The following RALYL variants were observed in gnomAD, a reference collection of about 807,000 sequenced individuals.
The protein encoded by RALYL is RALY RNA binding protein like.
RALYL carries 29 observed loss-of-function variants against 35.1 expected under a neutral mutation model. The observed-to-expected ratio is 0.83, with a 90% confidence interval of 0.61 to 1.13. RALYL has a LOEUF of 1.13. Ranked by LOEUF, RALYL falls within the 50% of genes most tolerant of loss-of-function variation. The pLI is 0.00. For missense variants in RALYL, 359 were observed against 360.4 expected (o/e 1.00, Z 0.03); for synonymous variants, 120 against 127.6 (o/e 0.94, Z 0.40).
chr8:84,906,252 C>T (rs1846470937), intron 8 of RALYL, among the ~76,000 whole-genome samples: 1 of 150,910 alleles, frequency 6.6e-6, no homozygotes, highest in African/African-American at 2.4e-5. Flanking sequence ...GATTCATTTC[C>T]CAGTGTTTCA....
chr8:84,693,755 G>A (rs1477662693), intron 2 of RALYL, among the ~76,000 whole-genome samples: 1 of 151,682 alleles, frequency 6.6e-6, no homozygotes, highest in East Asian at 1.9e-4. Flanking sequence ...CATTTTAAAA[G>A]AATCAGTGAT....
At chr8:84,551,169 A>T (rs976615309) in intron 2 of RALYL, among the ~76,000 whole-genome samples, 3 of 152,062 alleles carry the variant, frequency 2.0e-5, no homozygotes, top group Non-Finnish European at 4.4e-5. Context: ...TGAAATTTAA[A>T]TTTCTACTAG....
At chr8:84,236,677 G>C (rs898186074) in intron 1 of RALYL, among the ~76,000 whole-genome samples, 2 of 152,142 alleles carry the variant, frequency 1.3e-5, no homozygotes, top group Non-Finnish European at 2.9e-5. Context: ...TGTAAGGGCT[G>C]TGGCTTTCCC....
chr8:84,184,805 T>G, intron 1 of RALYL: 9 of 578,706 alleles, frequency 1.6e-5, no homozygotes, highest in Admixed American at 2.8e-5. Flanking sequence ...GCGAGGGCCG[T>G]GTACGTGGCG....
At chr8:84,551,602 A>T (rs2060724002) in intron 2 of RALYL, among the ~76,000 whole-genome samples, 2 of 151,730 alleles carry the variant, frequency 1.3e-5, no homozygotes, top group African/African-American at 2.4e-5. Context: ...AGCTTGATTT[A>T]AAAAAAATGA....
rs1822949805 is a variant in RALYL, at chr8:84,800,351, C to T, written c.333-4419C>T. On this transcript the variant is annotated intron_variant, in intron 3 of 8. Coordinates refer to ENST00000521268, the MANE Select transcript of RALYL (RefSeq NM_173848.7). ...AGTTTCCTCATCTATAAAATGAGAACTACCTCAGATTGTATCATGACGTTT... is the reference window on the plus strand; with the variant it reads ...AGTTTCCTCATCTATAAAATGAGAATTACCTCAGATTGTATCATGACGTTT... Among the ~76,000 whole-genome samples the T allele has an allele frequency of 2.0e-5, 3 of 152,206 alleles. No individual in the cohort carries two copies. In the South Asian group the frequency reaches 6.2e-4, roughly 32 times the overall value.
intron 1 of RALYL, among the ~76,000 whole-genome samples, chr8:84,365,872 T>C (rs1854145869): frequency 6.6e-6 from 1 of 152,190 alleles, no homozygotes; most frequent in Admixed American, 6.5e-5. Flanking sequence ...CTTAGCCAAA[T>C]TGTGCTCTTG....
intron 2 of RALYL, among the ~76,000 whole-genome samples, chr8:84,641,915 C>A (rs775690843): frequency 1.3e-5 from 2 of 151,658 alleles, no homozygotes; most frequent in Non-Finnish European, 2.9e-5. Flanking sequence ...ACTTATTTAT[C>A]CAGACACAAA....
intron 4 of RALYL, among the ~76,000 whole-genome samples, chr8:84,820,030 A>T (rs1828181525): frequency 6.6e-6 from 1 of 152,284 alleles, no homozygotes; most frequent in African/African-American, 2.4e-5. Context: ...TATAGAATTT[A>T]AAAAATCAAT....
intron 8 of RALYL, among the ~76,000 whole-genome samples, chr8:84,908,483 A>C (rs980835462): frequency 6.6e-6 from 1 of 152,140 alleles, no homozygotes; most frequent in African/African-American, 2.4e-5. Context: ...TATTTCATTT[A>C]ACGTAATGTC....
At chr8:84,185,470 A>G (rs1013609999) in intron 1 of RALYL, among the ~76,000 whole-genome samples, 1 of 152,130 alleles carries the variant, frequency 6.6e-6, no homozygotes. Context: ...ATAATTTAGC[A>G]TTACTTTTCA....
At chr8:84,316,409 C>G (rs1476299606) in intron 1 of RALYL, among the ~76,000 whole-genome samples, 1 of 151,970 alleles carries the variant, frequency 6.6e-6, no homozygotes, top group Non-Finnish European at 1.5e-5. Flanking sequence ...AATTATATTT[C>G]CATAAGTGAA....
chr8:84,860,634 G>A (rs1837922735), intron 5 of RALYL, among the ~76,000 whole-genome samples: 1 of 152,178 alleles, frequency 6.6e-6, no homozygotes, highest in African/African-American at 2.4e-5. Flanking sequence ...GCTCTTTGAA[G>A]TAAACTATTA....
intron 1 of RALYL, among the ~76,000 whole-genome samples, chr8:84,287,846 T>C (rs1486829857): frequency 6.6e-6 from 1 of 152,160 alleles, no homozygotes; most frequent in Admixed American, 6.6e-5. Context: ...AATATTTTCA[T>C]TGAGGTTGAG....
At chr8:84,447,022 C>T (rs544353822) in intron 1 of RALYL, among the ~76,000 whole-genome samples, 1 of 152,192 alleles carries the variant, frequency 6.6e-6, no homozygotes, top group East Asian at 1.9e-4. Context: ...ATTTCAAAAG[C>T]TTAAAATGCA....
intron 1 of RALYL, among the ~76,000 whole-genome samples, chr8:84,210,940 T>C (rs1819355544): frequency 6.6e-6 from 1 of 152,118 alleles, no homozygotes; most frequent in African/African-American, 2.4e-5. Context: ...TATATAATTA[T>C]AGTGAATAAT....
chr8:84,694,260 C>T (rs542425698), intron 2 of RALYL, among the ~76,000 whole-genome samples: 16 of 151,932 alleles, frequency 1.1e-4, no homozygotes, highest in African/African-American at 3.9e-4. Context: ...AACTGATAAA[C>T]AAATTCATTA....
intron 2 of RALYL, among the ~76,000 whole-genome samples, chr8:84,766,444 A>G (rs1378001615): frequency 6.6e-6 from 1 of 151,866 alleles, no homozygotes; most frequent in African/African-American, 2.4e-5. Flanking sequence ...CTGTAATCCT[A>G]GCACTTTGGG....
intron 4 of RALYL, among the ~76,000 whole-genome samples, chr8:84,830,191 C>A (rs1235614535): frequency 6.6e-6 from 1 of 151,996 alleles, no homozygotes; most frequent in East Asian, 1.9e-4. Flanking sequence ...AAATGTTTAC[C>A]CTCTATGCAT....
Sources: allele counts gnomAD v4.1 joint callset (sites outside exome capture counted in the v4.1 genomes callset), GRCh38; gene constraint gnomAD v4.1.1; transcripts MANE v1.5; gene names NCBI Gene and HGNC (gene_info 2026-07-23, HGNC 2026-07-21).